Variants in CSMD1 observed in about 807,000 individuals in gnomAD.
CSMD1 encodes the protein CUB and Sushi multiple domains 1.
CSMD1 carries 213 observed loss-of-function variants against 417.5 expected under a neutral mutation model. The ratio of observed to expected loss-of-function variants is 0.51; its 90% CI spans 0.46 to 0.57. The LOEUF is 0.57. CSMD1 is among the 20% of genes least tolerant of loss of function. The pLI is 0.00. For synonymous variants in CSMD1, 2,862 were observed against 1,736.8 expected (o/e 1.65, Z -16.11); for missense variants, 6,923 against 4,529.7 (o/e 1.53, Z -15.17).
intron 25 of CSMD1, among the ~76,000 whole-genome samples, chr8:3,304,484 T>G (rs1804659689): frequency 6.6e-6 from 1 of 152,154 alleles, no homozygotes; most frequent in Non-Finnish European, 1.5e-5. Flanking sequence ...TGAAGAGTGG[T>G]TCAATCATCA....
intron 3 of CSMD1, among the ~76,000 whole-genome samples, chr8:4,209,639 G>A (rs1183478728): frequency 6.6e-6 from 1 of 152,122 alleles, no homozygotes; most frequent in Non-Finnish European, 1.5e-5. Flanking sequence ...TTGGGGCTTA[G>A]CCTGGGAGGG....
At chr8:4,659,968 T>C (rs75873973) in intron 1 of CSMD1, among the ~76,000 whole-genome samples, 5,266 of 152,024 alleles carry the variant, frequency 0.035, 138 homozygotes, top group East Asian at 0.13. Flanking sequence ...GAAGAAGAAT[T>C]TCCTCAAATT....
At chr8:3,442,621 G>C (rs1347240142) in intron 12 of CSMD1, among the ~76,000 whole-genome samples, 2 of 152,126 alleles carry the variant, frequency 1.3e-5, no homozygotes, top group Non-Finnish European at 2.9e-5. Flanking sequence ...TACAATCTGG[G>C]TTTGTGTAAG....
intron 11 of CSMD1, among the ~76,000 whole-genome samples, chr8:3,488,119 T>C (rs535477493): frequency 2.0e-5 from 3 of 151,952 alleles, no homozygotes; most frequent in African/African-American, 7.2e-5. Flanking sequence ...ATTTTTCTTT[T>C]TGAAATAGTG....
intron 5 of CSMD1, among the ~76,000 whole-genome samples, chr8:3,915,740 A>C (rs1349490320): frequency 1.3e-5 from 2 of 150,514 alleles, no homozygotes; most frequent in Non-Finnish European, 2.9e-5. Context: ...AGCAGCTCAA[A>C]TTATGAACTC....
At chr8:3,483,735 C>T (rs1817870628) in intron 11 of CSMD1, among the ~76,000 whole-genome samples, 1 of 151,936 alleles carries the variant, frequency 6.6e-6, no homozygotes, top group Non-Finnish European at 1.5e-5. Context: ...TTGCAAATAT[C>T]CTCAACAAAA....
chr8:4,497,335 T>C (rs1802028929), intron 2 of CSMD1, among the ~76,000 whole-genome samples: 1 of 152,206 alleles, frequency 6.6e-6, no homozygotes, highest in Admixed American at 6.5e-5. Context: ...ACAAAGTAAA[T>C]CTATTTATAT....
At chr8:4,703,943 A>G (rs186928269) in intron 1 of CSMD1, among the ~76,000 whole-genome samples, 1 of 152,284 alleles carries the variant, frequency 6.6e-6, no homozygotes, top group Non-Finnish European at 1.5e-5. Flanking sequence ...CACAAGTAGC[A>G]CACAACCTAG....
chr8:3,396,166 C>G, intron 17 of CSMD1, 28 bp downstream of exon 17: 3 of 1,542,724 alleles, frequency 1.9e-6, no homozygotes, highest in Non-Finnish European at 2.6e-6. Flanking sequence ...GCTGCCCTGC[C>G]GGGCTGTCAA....
At chr8:3,074,211 A>G (rs779008316) in intron 49 of CSMD1, among the ~76,000 whole-genome samples, 3 of 152,206 alleles carry the variant, frequency 2.0e-5, no homozygotes, top group Non-Finnish European at 2.9e-5. Context: ...ATCTTCCAAG[A>G]CAGCTACAAA....
chr8:4,929,856 T>A (rs148066012), intron 1 of CSMD1, among the ~76,000 whole-genome samples: 2,280 of 152,226 alleles, frequency 0.015, 25 homozygotes, highest in Non-Finnish European at 0.023. Context: ...CAAATTTAAG[T>A]TTTTACAAAG....
intron 3 of CSMD1, among the ~76,000 whole-genome samples, chr8:4,127,392 C>T (rs1281999395): frequency 7.2e-6 from 1 of 139,700 alleles, no homozygotes; most frequent in African/African-American, 2.6e-5. Context: ...AAAAAATCTC[C>T]AATCTGGAAA....
At chr8:4,632,216 T>G (rs1219278766) in intron 2 of CSMD1, among the ~76,000 whole-genome samples, 2 of 152,084 alleles carry the variant, frequency 1.3e-5, no homozygotes, top group Non-Finnish European at 2.9e-5. Flanking sequence ...TAATTCAAAA[T>G]TGCCCCACGA....
chr8:4,755,195 T>G (rs1295517021), intron 1 of CSMD1, among the ~76,000 whole-genome samples: 1 of 152,236 alleles, frequency 6.6e-6, no homozygotes, highest in African/African-American at 2.4e-5. Flanking sequence ...AAAGTTCTCT[T>G]GTAAAAATCT....
intron 7 of CSMD1, among the ~76,000 whole-genome samples, chr8:3,677,012 G>T (rs944667920): frequency 4.6e-5 from 7 of 152,056 alleles, no homozygotes; most frequent in Non-Finnish European, 7.3e-5. Flanking sequence ...GCGGGGTTGG[G>T]GGCAAGGGGA....
At chr8:4,409,420 G>A (rs372852026) in intron 3 of CSMD1, among the ~76,000 whole-genome samples, 1 of 151,900 alleles carries the variant, frequency 6.6e-6, no homozygotes, top group African/African-American at 2.4e-5. Context: ...CCATATTCTT[G>A]TCATTTTAGA....
At position 3,236,576 on chromosome 8, in the gene CSMD1, G is replaced by C. The variant is rs1297153980; in HGVS notation, c.4154-6345C>G. Among the ~76,000 whole-genome samples, 4 of 152,246 alleles carry C rather than the reference G, an allele frequency of 2.6e-5. No homozygotes were observed. The East Asian group carries it at 5.8e-4, about 22-fold the overall frequency. ...GTTAAAGGCAAGAAAGCTTATTCTA[G>C]ACTAATACAAACCCCCACCCAGGGG... On this transcript the variant is annotated intron_variant, in intron 26 of 69. Coordinates refer to ENST00000635120, the MANE Select transcript of CSMD1 (RefSeq NM_033225.6).
chr8:3,834,463 T>C (rs1802560631), intron 5 of CSMD1, among the ~76,000 whole-genome samples: 2 of 152,178 alleles, frequency 1.3e-5, no homozygotes, highest in South Asian at 4.1e-4. Flanking sequence ...CAGGCAGTGC[T>C]CCATGTGTGT....
At chr8:3,879,117 G>C (rs993194221) in intron 5 of CSMD1, among the ~76,000 whole-genome samples, 1 of 152,024 alleles carries the variant, frequency 6.6e-6, no homozygotes, top group Non-Finnish European at 1.5e-5. Context: ...TTGAATCTTA[G>C]GTGTTCAAAC....
Sources: allele counts gnomAD v4.1 joint callset (sites outside exome capture counted in the v4.1 genomes callset), GRCh38; gene constraint gnomAD v4.1.1; transcripts MANE v1.5; gene names NCBI Gene and HGNC (gene_info 2026-07-23, HGNC 2026-07-21).